GRPEL1: variants seen among roughly 807,000 people sequenced by gnomAD.
GRPEL1 encodes grpE protein homolog 1, mitochondrial.
A neutral mutation model predicts 22.1 loss-of-function variants in GRPEL1; 13 were observed. The observed-to-expected ratio is 0.59, with a 90% CI of 0.38 to 0.94. GRPEL1 has a LOEUF of 0.94. GRPEL1 is among the 40% of genes least tolerant of loss of function. GRPEL1 has a pLI of 0.00. For synonymous variants in GRPEL1, 109 were observed against 105.3 expected, an observed-to-expected ratio of 1.03 and a Z score of -0.21; for missense variants, 289 against 264.6, an observed-to-expected ratio of 1.09 and a Z score of -0.64.
At chr4:7,061,859 G>C (rs1390904502) in intron 3 of GRPEL1, 1 of 153,118 alleles carries the variant, frequency 6.5e-6, no homozygotes, top group African/African-American at 2.4e-5. Flanking sequence ...CGAGCCTTAG[G>C]TTCCACATCT....
At position 7,059,571 on chromosome 4, in the gene GRPEL1, G is replaced by C. The variant is rs990612462; in HGVS notation, c.*1291C>G. On this transcript the variant is annotated 3_prime_UTR_variant, in exon 4 of 4. Coordinates refer to ENST00000264954, the MANE Select transcript of GRPEL1 (RefSeq NM_025196.4). Reference sequence around the variant, plus strand: ...TAAAGGTGGAACATGTTTGGGAATGGTATCCCAAGATGAAGTATTATGGGA... The same window carrying C: ...TAAAGGTGGAACATGTTTGGGAATGCTATCCCAAGATGAAGTATTATGGGA... The C allele has an allele frequency of 4.6e-5, 7 of 152,168 alleles. No homozygotes were observed. The highest frequency in any genetic ancestry group is 1.7e-4 in the African/African-American group (7 of 41,438). The allele number at this position is 152,168 out of a possible 1,614,324, so 9.4% of individuals were successfully genotyped here.
chr4:7,064,192 T>C lies in GRPEL1; in HGVS notation c.94A>G (p.Lys32Glu), dbSNP rs1724106053. The stretch of plus-strand genomic sequence containing the variant: ...AGGTTCTGGCCACTGTTCTTTTGTT[T>C]CGTGGCTGTGCACAACAACCGGGGA... ...PSPRLLCTAT[K>E]QKNSGQNLEE... is the part of the protein sequence containing the mutation. The change falls in exon 2 of 4, where the codon AAA becomes GAA. Residue 32 changes from lysine (K) to glutamate (E), a missense_variant. Coordinates refer to ENST00000264954, the MANE Select transcript of GRPEL1 (RefSeq NM_025196.4). 6.2e-7 allele frequency: 1 copy of C among 1,614,090 alleles called. No individual in the cohort carries two copies.
At chr4:7,062,491 T>TTTATAG in intron 2 of GRPEL1, 25 bp from the exon 3 acceptor site, 1 of 733,470 alleles carries the variant, frequency 1.4e-6, no homozygotes, top group Non-Finnish European at 1.9e-6. Context: ...AAGGGATATT[T>TTTATAG]ATATATATAT....
rs761475422 is a variant in GRPEL1 at position 7,064,215 on chromosome 4, G to A, written c.71C>T (p.Pro24Leu). ...TTTCGTGGCTGTGCACAACAACCGG[G>A]GAGATGGCCTACAGGGAAGTCCACA... ...PALALSLRPSPRLLCTATKQK... is the reference protein window; with the variant it reads ...PALALSLRPSLRLLCTATKQK... Residue 24 changes from proline (P) to leucine (L), a missense_variant, in exon 2 of 4, where the codon CCC becomes CTC. Physicochemically the swap from Pro to Leu is moderately conservative, Grantham distance 98. Coordinates refer to ENST00000264954, the MANE Select transcript of GRPEL1 (RefSeq NM_025196.4). 5.0e-6 allele frequency: 8 copies of A among 1,612,086 alleles called. No individual in the cohort carries two copies. The African/African-American group carries it at 6.7e-5, about 13-fold the overall frequency.
intron 1 of GRPEL1, 171 bp from the exon 2 acceptor site, chr4:7,064,394 T>G: frequency 1.8e-6 from 1 of 554,496 alleles, no homozygotes; most frequent in Non-Finnish European, 3.1e-6. Flanking sequence ...ATAGAAGCTA[T>G]ATTAGTAAAT....
chr4:7,065,342 C>G lies in GRPEL1; in HGVS notation c.63-1119G>C, dbSNP rs150354514. On this transcript the variant is annotated intron_variant, in intron 1 of 3. Coordinates refer to ENST00000264954, the MANE Select transcript of GRPEL1 (RefSeq NM_025196.4). ...CCAGCCTGACCAACATGGAGAAACC[C>G]CGTCTCTTCTAAAAATACAAAATTA... is the stretch of plus-strand genomic sequence containing the variant. Among the ~76,000 whole-genome samples the G allele has an allele frequency of 6.5e-3, 982 of 152,138 alleles. 13 individuals carry two copies. The highest frequency in any genetic ancestry group is 6.1e-3 in the Non-Finnish European group (414 of 68,000).
At chr4:7,066,020 AT>A (rs1216078331) in intron 1 of GRPEL1, among the ~76,000 whole-genome samples, 2 of 151,984 alleles carry the variant, frequency 1.3e-5, no homozygotes, top group Non-Finnish European at 2.9e-5. Flanking sequence ...CGCTCGGCTA[AT>A]TTTTTTGTAT....
intron 1 of GRPEL1, among the ~76,000 whole-genome samples, chr4:7,066,718 A>C (rs896620389): frequency 2.0e-5 from 3 of 152,212 alleles, no homozygotes; most frequent in Non-Finnish European, 4.4e-5. Flanking sequence ...AAGCACAGCC[A>C]ACACAAAGTG....
At chr4:7,066,598 A>C (rs1259095683) in intron 1 of GRPEL1, among the ~76,000 whole-genome samples, 1 of 152,254 alleles carries the variant, frequency 6.6e-6, no homozygotes, top group East Asian at 1.9e-4. Context: ...GAATTTAAAT[A>C]AAAACTGAGT....
rs1724005933 is a variant in GRPEL1 at position 7,060,228 on chromosome 4, G to A, written c.*634C>T. 1 of 152,292 alleles carries A rather than the reference G, an allele frequency of 6.6e-6. No homozygotes were observed. Among genetic ancestry groups the A allele is most frequent in the Non-Finnish European group, 1.5e-5 (1 of 68,152 alleles). 9.4% of individuals were successfully genotyped at this position (152,292 alleles called of 1,614,324 possible). On this transcript the variant is annotated 3_prime_UTR_variant, in exon 4 of 4. Coordinates refer to ENST00000264954, the MANE Select transcript of GRPEL1 (RefSeq NM_025196.4). ...TATGATTTAAATATGTCTGCATTTA[G>A]ATGAACAGAACAGGGTAAAAGGAAC...
chr4:7,067,911 C>T lies in GRPEL1; in HGVS notation c.62+60G>A, dbSNP rs553321645. The T allele has an allele frequency of 4.5e-6, 7 of 1,554,834 alleles. No individual in the cohort carries two copies. In the South Asian group the frequency reaches 5.6e-5, roughly 13 times the overall value. On this transcript the variant is annotated intron_variant, in intron 1 of 3. Coordinates refer to ENST00000264954, the MANE Select transcript of GRPEL1 (RefSeq NM_025196.4). ...AGGAGGCCCCGGGGCCGGGAAAGGC[C>T]CCCATCGGAGCGGGAGGTCGCGCTG...
At chr4:7,061,250 C>G (rs202039076) in intron 3 of GRPEL1, 42 bp from the exon 4 acceptor site, 32 of 1,512,904 alleles carry the variant, frequency 2.1e-5, no homozygotes, top group Non-Finnish European at 2.8e-5. Flanking sequence ...CCATACCAAC[C>G]GCACAGGGCA....
intron 1 of GRPEL1, among the ~76,000 whole-genome samples, chr4:7,066,881 T>C (rs750333910): frequency 6.6e-6 from 1 of 152,228 alleles, no homozygotes; most frequent in Non-Finnish European, 1.5e-5. Flanking sequence ...AAAACTACCA[T>C]TCTAGAGACA....
rs547433844 is a variant in GRPEL1, at chr4:7,067,724, G to A, written c.62+247C>T. Among the ~76,000 whole-genome samples, 24 of 152,356 alleles carry A rather than the reference G, an allele frequency of 1.6e-4. No individual in the cohort carries two copies. In the South Asian group the frequency reaches 5.0e-3, roughly 32 times the overall value. On this transcript the variant is annotated intron_variant, in intron 1 of 3. Coordinates refer to ENST00000264954, the MANE Select transcript of GRPEL1 (RefSeq NM_025196.4). ...GTACCTTCCGAGCCAAACGCCCCCCGCGCTGCGGTCCTCTCCTCCTGACAC... is the reference window on the plus strand; with the variant it reads ...GTACCTTCCGAGCCAAACGCCCCCCACGCTGCGGTCCTCTCCTCCTGACAC...
intron 2 of GRPEL1, among the ~76,000 whole-genome samples, chr4:7,063,263 A>G (rs141397141): frequency 5.9e-5 from 9 of 151,578 alleles, no homozygotes; most frequent in African/African-American, 2.2e-4. Context: ...CTAATTTTTA[A>G]TTTTTTTTAG....
In GRPEL1 at chr4:7,061,020, CAG is replaced by C; in HGVS notation, c.494_495del (p.Pro165ArgfsTer9). 6.2e-7 allele frequency: 1 copy of C among 1,614,222 alleles called. No homozygotes were observed. Among genetic ancestry groups the C allele is most frequent in the Non-Finnish European group, 8.5e-7 (1 of 1,180,036 alleles). Reference sequence around the variant, plus strand: ...TCATAAGGGTCGAACTTGGCTCCGACAGGGTTCAACTTGAGCAAGCCATGCTT... The same window carrying C: ...TCATAAGGGTCGAACTTGGCTCCGACGGTTCAACTTGAGCAAGCCATGCTT... ...FTKHGLLKLN[P>X]VGAKFDPYEH... On this transcript the variant is annotated frameshift_variant, in exon 4 of 4. Transcript: ENST00000264954. LOFTEE classifies it high-confidence loss of function.
chr4:7,063,987 C>G (rs1443267595), intron 2 of GRPEL1, 74 bp downstream of exon 2: 10 of 1,500,706 alleles, frequency 6.7e-6, no homozygotes, highest in Non-Finnish European at 9.0e-6. Context: ...CCAATGAAAC[C>G]TGGAACCTTT....
Position 7,061,277 on chromosome 4 carries a change from T to C in GRPEL1, c.308-69A>G, listed in dbSNP as rs1030719902. ...CACAGGGCAATTCCAAACTGAGCAC[T>C]GCTGACCTGATGTGGAGGCTATTTA... On this transcript the variant is annotated intron_variant, in intron 3 of 3. Transcript: ENST00000264954. The C allele has an allele frequency of 1.2e-5, 15 of 1,238,502 alleles. 1 individual carries two copies. In the Admixed American group the frequency reaches 1.8e-4, roughly 15 times the overall value. 76.7% of individuals were successfully genotyped at this position (1,238,502 alleles called of 1,614,324 possible).
In GRPEL1 at chr4:7,060,842, A is replaced by T. The variant is rs754746613; in HGVS notation, c.*20T>A. 6.3e-7 allele frequency: 1 copy of T among 1,586,092 alleles called. No individual in the cohort carries two copies. Among genetic ancestry groups the T allele is most frequent in the Non-Finnish European group, 8.6e-7 (1 of 1,162,796 alleles). On this transcript the variant is annotated 3_prime_UTR_variant, in exon 4 of 4. Coordinates refer to ENST00000264954, the MANE Select transcript of GRPEL1 (RefSeq NM_025196.4). Reference sequence around the variant, plus strand: ...AGTTACATCAAGTGAGTTTAAAAACACCCACCCCATCAACAGCAGCTAAGC... The same window carrying T: ...AGTTACATCAAGTGAGTTTAAAAACTCCCACCCCATCAACAGCAGCTAAGC...
Sources: allele counts gnomAD v4.1 joint callset (sites outside exome capture counted in the v4.1 genomes callset), GRCh38; gene constraint gnomAD v4.1.1; transcripts MANE v1.5; gene names NCBI Gene and HGNC (gene_info 2026-07-23, HGNC 2026-07-21).